NKAIN3: variants seen among roughly 807,000 people sequenced by gnomAD.
NKAIN3 encodes the protein sodium/potassium transporting ATPase interacting 3, also known as sodium/potassium-transporting ATPase subunit beta-1-interacting protein 3.
Under a neutral mutation model 30.2 loss-of-function variants are expected in NKAIN3, and 25 were observed. The observed-to-expected ratio is 0.83, with a 90% CI of 0.60 to 1.16. The LOEUF (loss-of-function observed/expected upper bound fraction) is 1.16, where lower values mean the gene tolerates loss of function less well. Among genes scored for constraint, NKAIN3 ranks in the 50% most tolerant of loss-of-function variants. The pLI, the probability that NKAIN3 is intolerant of heterozygous loss-of-function variation, is 0.00. For missense variants in NKAIN3, 225 were observed against 254.1 expected, an observed-to-expected ratio of 0.89 and a Z score of 0.78; for synonymous variants, 91 against 89.6, an observed-to-expected ratio of 1.02 and a Z score of -0.09.
chr8:62,489,539 G>A (rs898170486), intron 1 of NKAIN3, among the ~76,000 whole-genome samples: 57 of 152,116 alleles, frequency 3.7e-4, no homozygotes, highest in African/African-American at 1.3e-3. Context: ...TAATATCTGG[G>A]TAACCAAGAT....
intron 4 of NKAIN3, among the ~76,000 whole-genome samples, chr8:62,797,308 T>A (rs1817893053): frequency 1.3e-5 from 2 of 152,140 alleles, no homozygotes; most frequent in African/African-American, 4.8e-5. Flanking sequence ...ATGGTAGAAA[T>A]CCACATAATA....
At chr8:62,950,602 A>G (rs1823255055) in intron 5 of NKAIN3, among the ~76,000 whole-genome samples, 1 of 152,198 alleles carries the variant, frequency 6.6e-6, no homozygotes, top group Non-Finnish European at 1.5e-5. Flanking sequence ...TATGCAGAGA[A>G]GGTATAGCCA....
intron 4 of NKAIN3, among the ~76,000 whole-genome samples, chr8:62,804,212 G>C (rs1463095242): frequency 6.6e-6 from 1 of 152,166 alleles, no homozygotes; most frequent in Non-Finnish European, 1.5e-5. Context: ...CATTCTGTCT[G>C]AAACTATTCC....
At chr8:62,317,454 A>G (rs1585671342) in intron 1 of NKAIN3, among the ~76,000 whole-genome samples, 1 of 152,198 alleles carries the variant, frequency 6.6e-6, no homozygotes, top group Non-Finnish European at 1.5e-5. Context: ...ATTTTTGTAT[A>G]AGGTGTGAGG....
In NKAIN3 at chr8:62,359,108, G is replaced by A. The variant is rs182911641; in HGVS notation, c.54+109981G>A. 6.1e-3 allele frequency among the ~76,000 whole-genome samples: 922 copies of A among 152,264 alleles called. 11 individuals are homozygous for A. The highest frequency in any genetic ancestry group is 0.021 in the African/African-American group (864 of 41,556). On this transcript the variant is annotated intron_variant, in intron 1 of 6. Transcript: ENST00000623646. ...TGAGGCAGGAGAATAGTGTGAACCC[G>A]GGAAGCGGAGCTTGCAGTGAGCGGA...
chr8:62,450,704 T>C (rs950943646), intron 1 of NKAIN3, among the ~76,000 whole-genome samples: 1 of 152,196 alleles, frequency 6.6e-6, no homozygotes, highest in Non-Finnish European at 1.5e-5. Flanking sequence ...TCCAGAATTA[T>C]GGCTCCTAAT....
chr8:62,595,802 C>G (rs537646891), intron 3 of NKAIN3, among the ~76,000 whole-genome samples: 1 of 151,998 alleles, frequency 6.6e-6, no homozygotes, highest in Non-Finnish European at 1.5e-5. Flanking sequence ...GGGAGGGGTG[C>G]CTTCGATGTC....
intron 5 of NKAIN3, among the ~76,000 whole-genome samples, chr8:62,944,402 T>G (rs1239796145): frequency 6.6e-6 from 1 of 152,202 alleles, no homozygotes; most frequent in Non-Finnish European, 1.5e-5. Context: ...CCTTTTCACA[T>G]ACATTTTAGA....
chr8:62,698,421 A>G (rs1294971923), intron 3 of NKAIN3, among the ~76,000 whole-genome samples: 1 of 152,146 alleles, frequency 6.6e-6, no homozygotes, highest in Non-Finnish European at 1.5e-5. Flanking sequence ...CCTCCTGCAG[A>G]TTGGATGCCA....
At chr8:62,838,151 G>GTA (rs201397119) in intron 4 of NKAIN3, among the ~76,000 whole-genome samples, 11,625 of 150,506 alleles carry the variant, frequency 0.077, 514 homozygotes, top group South Asian at 0.14. Flanking sequence ...GTGTGTGTGT[G>GTA]TATATAAAAT....
intron 1 of NKAIN3, among the ~76,000 whole-genome samples, chr8:62,504,064 C>T (rs1306473099): frequency 2.6e-5 from 4 of 152,340 alleles, no homozygotes; most frequent in Admixed American, 6.5e-5. Context: ...CGGCGCCAGC[C>T]GGTCCCTCCA....
chr8:62,894,653 C>T (rs1821381832), intron 4 of NKAIN3, among the ~76,000 whole-genome samples: 2 of 152,132 alleles, frequency 1.3e-5, no homozygotes, highest in Admixed American at 6.6e-5. Context: ...ATATTACATA[C>T]ATATAAGTAT....
intron 4 of NKAIN3, among the ~76,000 whole-genome samples, chr8:62,873,973 A>G (rs1820720533): frequency 6.6e-6 from 1 of 152,106 alleles, no homozygotes; most frequent in South Asian, 2.1e-4. Context: ...ACAACAATCA[A>G]TAACTAAGAT....
In NKAIN3 at chr8:62,248,862, C is replaced by T. The variant is rs1002344012; in HGVS notation, c.-212C>T. Reference sequence around the variant, plus strand: ...GGGACGCAGGGACCCCCGCCAGACGCTCGGGTCGTGCGCACCGCACTGACC... The same window carrying T: ...GGGACGCAGGGACCCCCGCCAGACGTTCGGGTCGTGCGCACCGCACTGACC... On this transcript the variant is annotated 5_prime_UTR_variant, in exon 1 of 7. Transcript: ENST00000623646. The T allele has an allele frequency of 1.9e-6, 1 of 522,914 alleles. No individual in the cohort carries two copies. The highest frequency in any genetic ancestry group is 3.3e-6 in the Non-Finnish European group (1 of 301,250). 32.4% of individuals were successfully genotyped at this position (522,914 alleles called of 1,614,324 possible).
intron 1 of NKAIN3, among the ~76,000 whole-genome samples, chr8:62,318,966 A>G (rs1814768323): frequency 6.6e-6 from 1 of 151,976 alleles, no homozygotes; most frequent in Non-Finnish European, 1.5e-5. Flanking sequence ...CTGGTCCTGG[A>G]CTTTTTTTGG....
At chr8:62,950,944 CTTTTTTTTT>C (rs71559384) in intron 5 of NKAIN3, among the ~76,000 whole-genome samples, 1 of 100,664 alleles carries the variant, frequency 9.9e-6, no homozygotes, top group Non-Finnish European at 1.9e-5. Context: ...AAACAGAATC[CTTTTTTTTT>C]TTTTTTTTTT....
At chr8:62,505,789 A>T (rs1342916770) in intron 1 of NKAIN3, among the ~76,000 whole-genome samples, 1 of 152,142 alleles carries the variant, frequency 6.6e-6, no homozygotes, top group Non-Finnish European at 1.5e-5. Flanking sequence ...CTGCTACAAC[A>T]AATTACCACA....
intron 1 of NKAIN3, among the ~76,000 whole-genome samples, chr8:62,338,075 C>T (rs1432579179): frequency 3.3e-5 from 5 of 151,772 alleles, no homozygotes; most frequent in African/African-American, 1.2e-4. Flanking sequence ...TATTATCTGC[C>T]AATGATGTGT....
intron 1 of NKAIN3, among the ~76,000 whole-genome samples, chr8:62,510,175 A>G (rs1807775766): frequency 6.6e-6 from 1 of 152,122 alleles, no homozygotes; most frequent in South Asian, 2.1e-4. Context: ...TGAAGACCAA[A>G]TTGAGTTTGT....
Sources: gnomAD v4.1 joint callset for allele counts (sites outside exome capture counted in the v4.1 genomes callset) on GRCh38, gnomAD v4.1.1 for gene constraint, MANE v1.5 for transcripts, NCBI Gene and HGNC (gene_info 2026-07-23, HGNC 2026-07-21) for gene names.